FOXP1: variants seen among roughly 807,000 people sequenced by gnomAD.
FOXP1 encodes the protein forkhead box protein P1.
FOXP1 carries 15 observed loss-of-function variants against 98.2 expected under a neutral mutation model. That is an observed-to-expected ratio of 0.15 (90% CI 0.10 to 0.24). The LOEUF (loss-of-function observed/expected upper bound fraction) is 0.24. Ranked by LOEUF, FOXP1 falls within the 10% of genes least tolerant of loss-of-function variation. FOXP1 has a pLI of 1.00. For missense variants in FOXP1, 633 were observed against 848.5 expected, an observed-to-expected ratio of 0.75 and a Z score of 3.15; for synonymous variants, 371 against 314.5, an observed-to-expected ratio of 1.18 and a Z score of -1.90.
intron 6 of FOXP1, among the ~76,000 whole-genome samples, chr3:71,115,721 T>C (rs909866375): frequency 8.3e-5 from 12 of 145,054 alleles, no homozygotes; most frequent in Admixed American, 2.9e-4. Context: ...CATTCACACA[T>C]ACACACAAAA....
At chr3:71,203,826 A>G (rs988602729) in intron 5 of FOXP1, among the ~76,000 whole-genome samples, 3 of 152,076 alleles carry the variant, frequency 2.0e-5, no homozygotes, top group South Asian at 2.1e-4. Context: ...TACACAGTCC[A>G]CCCCCCATCC....
intron 3 of FOXP1, among the ~76,000 whole-genome samples, chr3:71,469,050 C>G (rs1339186919): frequency 6.6e-6 from 1 of 152,012 alleles, no homozygotes; most frequent in East Asian, 1.9e-4. Flanking sequence ...TGGCAATATC[C>G]AAATCAGAGA....
chr3:71,509,974 T>C (rs1158227570), intron 2 of FOXP1, among the ~76,000 whole-genome samples: 2 of 151,366 alleles, frequency 1.3e-5, no homozygotes, highest in African/African-American at 4.9e-5. Flanking sequence ...AGGTCAGGAG[T>C]TGGAGACCAG....
At position 71,489,659 on chromosome 3, in the gene FOXP1, C is replaced by CTCCT. The variant is rs561347347; in HGVS notation, c.-168+3763_-168+3766dup. Among the ~76,000 whole-genome samples, 510 of 152,334 alleles carry CTCCT rather than the reference C, an allele frequency of 3.3e-3. 3 individuals carry two copies. Among genetic ancestry groups the CTCCT allele is most frequent in the African/African-American group, 0.012 (483 of 41,578 alleles). On this transcript the variant is annotated intron_variant, in intron 3 of 20. Coordinates refer to ENST00000649528, the MANE Select transcript of FOXP1 (RefSeq NM_001349338.3). ...ACCAGGAAACAGGAGCCAACTCTGA[C>CTCCT]TCCTTCCTGGTGAACGGTGGCATTA...
At chr3:71,188,191 T>C (rs1178491226) in intron 6 of FOXP1, among the ~76,000 whole-genome samples, 2 of 152,214 alleles carry the variant, frequency 1.3e-5, no homozygotes, top group African/African-American at 2.4e-5. Flanking sequence ...AAGAGGTATA[T>C]TGTGCCCTTC....
intron 7 of FOXP1, among the ~76,000 whole-genome samples, chr3:71,106,436 A>G (rs1259777646): frequency 6.6e-6 from 1 of 151,962 alleles, no homozygotes. Flanking sequence ...TCCAGGTTCA[A>G]GCGATTCTCC....
At chr3:71,273,360 T>C (rs2070574060) in intron 5 of FOXP1, among the ~76,000 whole-genome samples, 1 of 152,200 alleles carries the variant, frequency 6.6e-6, no homozygotes, top group Admixed American at 6.5e-5. Flanking sequence ...TACACCACTG[T>C]AACCGAATTG....
At chr3:71,317,685 C>T (rs1025804796) in intron 4 of FOXP1, among the ~76,000 whole-genome samples, 3 of 151,868 alleles carry the variant, frequency 2.0e-5, no homozygotes, top group Admixed American at 6.6e-5. Flanking sequence ...AATTAATCTT[C>T]CCCCAAATAC....
At position 70,956,684 on chromosome 3, in the gene FOXP1, A is replaced by G. The variant is rs1436806238; in HGVS notation, c.*2563T>C. 1.3e-5 allele frequency: 2 copies of G among 148,420 alleles called. No individual in the cohort carries two copies. Among genetic ancestry groups the G allele is most frequent in the East Asian group, 2.7e-4 (2 of 7,276 alleles). The allele number at this position is 148,420 out of a possible 1,614,324, so 9.2% of individuals were successfully genotyped here. On this transcript the variant is annotated 3_prime_UTR_variant, in exon 21 of 21. Transcript: ENST00000649528. ...TTTAGAAGCACAGGGCCCCCTTCCC[A>G]TGACCCTGTCTGGCTACTGCCTGCA...
intron 5 of FOXP1, among the ~76,000 whole-genome samples, chr3:71,298,271 C>T (rs1233857476): frequency 1.3e-5 from 2 of 152,078 alleles, no homozygotes; most frequent in South Asian, 2.1e-4. Flanking sequence ...TTGAGACCAG[C>T]CTGACCAACA....
intron 6 of FOXP1, among the ~76,000 whole-genome samples, chr3:71,132,578 C>T (rs1302513312): frequency 6.6e-6 from 1 of 152,184 alleles, no homozygotes; most frequent in Non-Finnish European, 1.5e-5. Context: ...CAACAGAATT[C>T]CACATTATAA....
In FOXP1 at chr3:71,279,172, C is replaced by CAAAAAAAA. The variant is rs11308828; in HGVS notation, c.-12+20640_-12+20647dup. Among the ~76,000 whole-genome samples, 557 of 69,658 alleles carry CAAAAAAAA rather than the reference C, an allele frequency of 8.0e-3. 2 individuals are homozygous for CAAAAAAAA. The highest frequency in any genetic ancestry group is 0.011 in the East Asian group (28 of 2,490). The allele number at this position is 69,658 out of a possible 152,430, so 45.7% of individuals were successfully genotyped here. A position where few individuals can be genotyped will look rare whatever the true frequency, so the allele number is the denominator to read the frequency against. On this transcript the variant is annotated intron_variant, in intron 5 of 20. Transcript: ENST00000649528. ...GGGTGACAAGAGTGAAACTCCATCT[C>CAAAAAAAA]AAAAAAAAAAAAAAAAAAAAAGAAA...
intron 6 of FOXP1, among the ~76,000 whole-genome samples, chr3:71,133,244 G>T (rs55643111): frequency 6.6e-6 from 1 of 152,106 alleles, no homozygotes; most frequent in African/African-American, 2.4e-5. Context: ...AATCTGACAC[G>T]TATAAAGACC....
At chr3:71,567,341 T>C (rs986153372) in intron 2 of FOXP1, among the ~76,000 whole-genome samples, 4 of 151,410 alleles carry the variant, frequency 2.6e-5, no homozygotes, top group Admixed American at 2.0e-4. Context: ...TAACATCAGG[T>C]TCCATCACTG....
intron 14 of FOXP1, among the ~76,000 whole-genome samples, chr3:70,987,727 C>T (rs559756747): frequency 6.6e-6 from 1 of 152,324 alleles, no homozygotes; most frequent in Admixed American, 6.5e-5. Flanking sequence ...CTTGCTTGGG[C>T]ACCAATCATT....
intron 19 of FOXP1, chr3:70,969,762 T>G (rs1263700715): frequency 6.6e-6 from 1 of 152,238 alleles, no homozygotes; most frequent in Non-Finnish European, 1.5e-5. Flanking sequence ...AGAACCAATC[T>G]AGGGGTGATA....
At chr3:71,195,423 G>C (rs1432048941) in intron 6 of FOXP1, among the ~76,000 whole-genome samples, 2 of 152,116 alleles carry the variant, frequency 1.3e-5, no homozygotes, top group African/African-American at 4.8e-5. Flanking sequence ...CCTCAATGAT[G>C]GTATTGGTGC....
intron 3 of FOXP1, among the ~76,000 whole-genome samples, chr3:71,380,027 T>C (rs1374828699): frequency 1.3e-5 from 2 of 152,236 alleles, no homozygotes; most frequent in African/African-American, 2.4e-5. Context: ...AGGTGGTATT[T>C]AGATCAACAT....
At chr3:71,450,200 G>A (rs1397360804) in intron 3 of FOXP1, among the ~76,000 whole-genome samples, 1 of 152,194 alleles carries the variant, frequency 6.6e-6, no homozygotes, top group Non-Finnish European at 1.5e-5. Context: ...TGATTTAACT[G>A]AAACTACTTT....
Sources: gnomAD v4.1 joint callset for allele counts (sites outside exome capture counted in the v4.1 genomes callset) on GRCh38, gnomAD v4.1.1 for gene constraint, MANE v1.5 for transcripts, NCBI Gene and HGNC (gene_info 2026-07-23, HGNC 2026-07-21) for gene names.